The following UNC13C variants were observed in gnomAD, a reference collection of about 807,000 sequenced individuals.
UNC13C encodes the protein unc-13 homolog C, also known as protein unc-13 homolog C.
Under a neutral mutation model 245.4 loss-of-function variants are expected in UNC13C, and 174 were observed. That is an observed-to-expected ratio of 0.71 (90% CI 0.63 to 0.80). The LOEUF (loss-of-function observed/expected upper bound fraction) is 0.80. Among genes scored for constraint, UNC13C ranks in the 30% least tolerant of loss-of-function variants. UNC13C has a pLI of 0.00. For missense variants in UNC13C, 2,829 were observed against 2,602.9 expected (o/e 1.09, Z -1.89); for synonymous variants, 992 against 895.1 (o/e 1.11, Z -1.93).
intron 17 of UNC13C, among the ~76,000 whole-genome samples, chr15:54,383,515 A>G (rs1268919151): frequency 6.6e-6 from 1 of 152,062 alleles, no homozygotes. Context: ...GAAATATCAT[A>G]CCTCAAAATA....
intron 19 of UNC13C, among the ~76,000 whole-genome samples, chr15:54,435,518 G>A (rs1480136150): frequency 6.7e-6 from 1 of 150,134 alleles, no homozygotes; most frequent in Non-Finnish European, 1.5e-5. Context: ...ATAAGTGGGA[G>A]TTGAACAATG....
At chr15:54,137,792 T>G (rs1317495442) in intron 2 of UNC13C, among the ~76,000 whole-genome samples, 1 of 152,198 alleles carries the variant, frequency 6.6e-6, no homozygotes, top group African/African-American at 2.4e-5. Flanking sequence ...CATCTATCTT[T>G]TCCATTGTCA....
chr15:54,229,046 T>G (rs77815139), intron 4 of UNC13C, among the ~76,000 whole-genome samples: 4,589 of 152,260 alleles, frequency 0.03, 233 homozygotes, highest in African/African-American at 0.1. Context: ...TAGTCCCCAC[T>G]TGCTAGGGCT....
chr15:54,566,868 G>A (rs968007245), intron 29 of UNC13C, among the ~76,000 whole-genome samples: 5 of 152,028 alleles, frequency 3.3e-5, no homozygotes, highest in African/African-American at 9.7e-5. Flanking sequence ...GACATATTTC[G>A]TTCTGTGCTA....
chr15:54,407,621 A>G (rs1441948053), intron 18 of UNC13C, among the ~76,000 whole-genome samples: 1 of 152,198 alleles, frequency 6.6e-6, no homozygotes, highest in Non-Finnish European at 1.5e-5. Context: ...TAGCACAACC[A>G]AAATTGAAAC....
In UNC13C at chr15:54,237,625, G is replaced by C. The variant is rs759862621; in HGVS notation, c.3163G>C (p.Ala1055Pro). 1 of 1,611,632 alleles carries C rather than the reference G, an allele frequency of 6.2e-7. No individual in the cohort carries two copies. The highest frequency in any genetic ancestry group is 2.2e-5 in the East Asian group (1 of 44,840). Residue 1055 changes from alanine (A) to proline (P), a missense_variant, in exon 7 of 33, where the codon GCT (alanine) becomes CCT (proline). Coordinates refer to ENST00000260323, the MANE Select transcript of UNC13C (RefSeq NM_001080534.3). ...PIVRDVAMTL[A>P]ARKSGLSLAM... Reference sequence around the variant, plus strand: ...ATAATTCTGTTTGTTTTAGACCCTGGCTGCCCGGAAATCTGGACTCTCCCT... The same window carrying C: ...ATAATTCTGTTTGTTTTAGACCCTGCCTGCCCGGAAATCTGGACTCTCCCT...
chr15:54,612,533 A>G (rs1566939250), intron 30 of UNC13C, among the ~76,000 whole-genome samples: 1 of 152,048 alleles, frequency 6.6e-6, no homozygotes, highest in African/African-American at 2.4e-5. Flanking sequence ...GATTTTCCAC[A>G]TACAGATATC....
At chr15:54,092,920 A>G (rs561644720) in intron 2 of UNC13C, among the ~76,000 whole-genome samples, 6 of 152,272 alleles carry the variant, frequency 3.9e-5, no homozygotes, top group African/African-American at 1.4e-4. Flanking sequence ...TGCTTAGAGA[A>G]TAAAAAGCTG....
At position 54,038,919 on chromosome 15, in the gene UNC13C, G is replaced by A. The variant is rs144743872; in HGVS notation, c.2983+23033G>A. On this transcript the variant is annotated intron_variant, in intron 2 of 32. Transcript: ENST00000260323. Reference sequence around the variant, plus strand: ...ATTGTGGGCTTGATGTAGCCTCTCTGTGGTAAATTCCAATCCTTTCTGTTT... The same window carrying A: ...ATTGTGGGCTTGATGTAGCCTCTCTATGGTAAATTCCAATCCTTTCTGTTT... Among the ~76,000 whole-genome samples, 7 of 152,234 alleles carry A rather than the reference G, an allele frequency of 4.6e-5. No individual in the cohort carries two copies. The East Asian group carries it at 1.4e-3, about 29-fold the overall frequency.
At chr15:54,349,094 T>C (rs919339363) in intron 17 of UNC13C, among the ~76,000 whole-genome samples, 1 of 148,616 alleles carries the variant, frequency 6.7e-6, no homozygotes, top group African/African-American at 2.4e-5. Context: ...TATCAAATTA[T>C]AATTTATAAA....
At chr15:54,624,143 A>G (rs1487212868) in intron 32 of UNC13C, among the ~76,000 whole-genome samples, 189 bp downstream of exon 32, 1 of 151,678 alleles carries the variant, frequency 6.6e-6, no homozygotes. Context: ...TTAGGTGTAT[A>G]TATCATAGGA....
chr15:53,924,200 T>C, the UNC13C span, among the ~76,000 whole-genome samples: 1 of 150,644 alleles, frequency 6.6e-6, no homozygotes, highest in African/African-American at 2.4e-5. Flanking sequence ...GAGTGAGACT[T>C]TATCTCAAAA....
chr15:53,963,661 C>A, the UNC13C span, among the ~76,000 whole-genome samples: 9 of 152,034 alleles, frequency 5.9e-5, no homozygotes, highest in African/African-American at 1.9e-4. Flanking sequence ...ATAAGAGGAG[C>A]CCTGCTAAGA....
intron 26 of UNC13C, among the ~76,000 whole-genome samples, chr15:54,537,051 A>G (rs969982905): frequency 4.6e-5 from 7 of 152,086 alleles, no homozygotes; most frequent in African/African-American, 1.4e-4. Flanking sequence ...CTGTTCACAT[A>G]TGATGTGATC....
intron 2 of UNC13C, among the ~76,000 whole-genome samples, chr15:54,126,946 T>C (rs539579361): frequency 8.3e-4 from 127 of 152,262 alleles, no homozygotes; most frequent in African/African-American, 2.9e-3. Flanking sequence ...CCAATAGTTA[T>C]ATGAAAAAAG....
At chr15:54,041,958 C>T (rs184541493) in intron 2 of UNC13C, among the ~76,000 whole-genome samples, 93 of 152,216 alleles carry the variant, frequency 6.1e-4, no homozygotes, top group African/African-American at 2.0e-3. Context: ...ACAATCCGAT[C>T]GAGTACATCT....
intron 18 of UNC13C, among the ~76,000 whole-genome samples, chr15:54,401,298 CA>C (rs2040177648): frequency 6.6e-6 from 1 of 152,062 alleles, no homozygotes; most frequent in South Asian, 2.1e-4. Context: ...GCTAGAGTCA[CA>C]AATATTTAAT....
chr15:54,059,862 G>A (rs573583285), intron 2 of UNC13C, among the ~76,000 whole-genome samples: 40 of 152,248 alleles, frequency 2.6e-4, no homozygotes, highest in African/African-American at 9.4e-4. Flanking sequence ...AACAAGCAAT[G>A]GGGAAAGGAT....
intron 10 of UNC13C, among the ~76,000 whole-genome samples, chr15:54,274,897 C>T (rs972608418): frequency 3.3e-5 from 5 of 151,962 alleles, no homozygotes; most frequent in Non-Finnish European, 5.9e-5. Flanking sequence ...GTCTCAATCT[C>T]CTGACCTTGT....
Sources: gnomAD v4.1 joint callset for allele counts (sites outside exome capture counted in the v4.1 genomes callset) on GRCh38, gnomAD v4.1.1 for gene constraint, MANE v1.5 for transcripts, NCBI Gene and HGNC (gene_info 2026-07-23, HGNC 2026-07-21) for gene names.